Variants in RRBP1 observed in about 807,000 individuals in gnomAD.
RRBP1 encodes ribosome-binding protein 1.
In RRBP1, 94 loss-of-function variants were observed where a neutral mutation model predicts 165.2. The observed-to-expected ratio is 0.57, with a 90% CI of 0.48 to 0.68. RRBP1 has a LOEUF of 0.68. RRBP1 is among the 30% of genes least tolerant of loss of function. RRBP1 has a pLI of 0.00. For missense variants in RRBP1, 1,676 were observed against 1,763.0 expected (o/e 0.95, Z 0.88); for synonymous variants, 680 against 714.5 (o/e 0.95, Z 0.77).
At chr20:17,661,004 T>C (rs1368818195) in intron 2 of RRBP1, among the ~76,000 whole-genome samples, 1 of 151,716 alleles carries the variant, frequency 6.6e-6, no homozygotes. Flanking sequence ...AGTTGGAAGA[T>C]GTTTTGATTT....
At chr20:17,615,900 C>A (rs2035790542) in intron 22 of RRBP1, 26 bp downstream of exon 22, 2 of 1,597,908 alleles carry the variant, frequency 1.3e-6, no homozygotes, top group African/African-American at 1.3e-5. Context: ...CTGATGGGGG[C>A]TGAGAGCCAC....
In RRBP1 at chr20:17,613,975, T is replaced by C. The variant is rs2035741196; in HGVS notation, c.*207A>G. 1 of 595,800 alleles carries C rather than the reference T, an allele frequency of 1.7e-6. No homozygotes were observed. Among genetic ancestry groups the C allele is most frequent in the African/African-American group, 1.9e-5 (1 of 54,018 alleles). 36.9% of individuals were successfully genotyped at this position (595,800 alleles called of 1,614,324 possible). Reference sequence around the variant, plus strand: ...CCGGGGCTGCGCCCAGGATAGTGTTTATCAAATGTGACACAGGTTCATTTA... The same window carrying C: ...CCGGGGCTGCGCCCAGGATAGTGTTCATCAAATGTGACACAGGTTCATTTA... On this transcript the variant is annotated 3_prime_UTR_variant, in exon 25 of 25. Transcript: ENST00000377813.
In RRBP1 at chr20:17,655,805, C is replaced by T. The variant is rs149930122; in HGVS notation, c.1912+2791G>A. 1.7e-3 allele frequency among the ~76,000 whole-genome samples: 261 copies of T among 152,304 alleles called. 1 individual carries two copies. The highest frequency in any genetic ancestry group is 5.8e-3 in the African/African-American group (241 of 41,552). On this transcript the variant is annotated intron_variant, in intron 3 of 24. Coordinates refer to ENST00000377813, the MANE Select transcript of RRBP1 (RefSeq NM_001365613.2). ...AATATACATTATATATTTATATTAA[C>T]GGTTTTTAAATAAAGCTTATTTGCT... is the stretch of plus-strand genomic sequence containing the variant.
Position 17,659,844 on chromosome 20 carries a change from C to A in RRBP1, c.664G>T (p.Ala222Ser). The change falls in exon 3 of 25, where the codon GCA becomes TCA. Residue 222 changes from alanine to serine, a missense_variant. By Grantham distance (99) the Ala-to-Ser change is moderately conservative. Transcript: ENST00000377813. ...AEGAPNQGRK[A>S]EGTPNQGKKT... ...TTGCCCTGGTTTGGGGTTCCCTCTGCCTTTCTGCCCTGGTTTGGGGCTCCT... is the reference window on the plus strand; with the variant it reads ...TTGCCCTGGTTTGGGGTTCCCTCTGACTTTCTGCCCTGGTTTGGGGCTCCT... 2 of 1,551,584 alleles carry A rather than the reference C, an allele frequency of 1.3e-6. No individual in the cohort carries two copies. Among genetic ancestry groups the A allele is most frequent in the Non-Finnish European group, 1.7e-6 (2 of 1,146,992 alleles).
chr20:17,666,605 C>T (rs1465339625), intron 2 of RRBP1, among the ~76,000 whole-genome samples: 3 of 152,128 alleles, frequency 2.0e-5, no homozygotes, highest in Admixed American at 1.3e-4. Flanking sequence ...GAAAAAAAGA[C>T]AGTATTGTTT....
chr20:17,665,084 G>A, intron 2 of RRBP1, among the ~76,000 whole-genome samples: 1 of 151,760 alleles, frequency 6.6e-6, no homozygotes, highest in African/African-American at 2.4e-5. Flanking sequence ...ATATATATAT[G>A]TATGTGCCTG....
rs1223883972 is a variant in RRBP1 at position 17,643,626 on chromosome 20, C to T, written c.1913-499G>A. Among the ~76,000 whole-genome samples, 1 of 152,164 alleles carries T rather than the reference C, an allele frequency of 6.6e-6. No homozygotes were observed. Among genetic ancestry groups the T allele is most frequent in the Non-Finnish European group, 1.5e-5 (1 of 68,034 alleles). ...ACAGACACCCAGAGCCACACTCCTG[C>T]AGCCACAGGAGGAGCACAGAAGGCA... On this transcript the variant is annotated intron_variant, in intron 3 of 24. Transcript: ENST00000377813. This position sits in a 1 kb window ranked among gnomAD's most constrained non-coding sequence, Gnocchi z 4.3.
chr20:17,645,288 CGA>C (rs1428960644), intron 3 of RRBP1, among the ~76,000 whole-genome samples: 1 of 152,234 alleles, frequency 6.6e-6, no homozygotes, highest in Non-Finnish European at 1.5e-5. Flanking sequence ...AGAGTGCTCC[CGA>C]GAGTGTTCTC....
chr20:17,647,706 A>G (rs1183586231), intron 3 of RRBP1, among the ~76,000 whole-genome samples: 2 of 152,142 alleles, frequency 1.3e-5, no homozygotes, highest in Non-Finnish European at 2.9e-5. Flanking sequence ...AACAGCATGG[A>G]CTTGAGGGCT....
At chr20:17,633,846 G>A (rs1044934476) in intron 7 of RRBP1, among the ~76,000 whole-genome samples, 1 of 152,240 alleles carries the variant, frequency 6.6e-6, no homozygotes, top group African/African-American at 2.4e-5. Flanking sequence ...GAGCAAATGT[G>A]CACTAAAGCA....
At chr20:17,654,677 G>A (rs998211453) in intron 3 of RRBP1, among the ~76,000 whole-genome samples, 1 of 152,116 alleles carries the variant, frequency 6.6e-6, no homozygotes, top group African/African-American at 2.4e-5. Flanking sequence ...AGTCCACACT[G>A]CCCTATCAAC....
At position 17,651,672 on chromosome 20, in the gene RRBP1, G is replaced by A. The variant is rs527370580; in HGVS notation, c.1912+6924C>T. 2.1e-4 allele frequency among the ~76,000 whole-genome samples: 32 copies of A among 152,272 alleles called. 1 individual carries two copies. In the South Asian group the frequency reaches 6.0e-3, roughly 29 times the overall value. On this transcript the variant is annotated intron_variant, in intron 3 of 24. Transcript: ENST00000377813. ...CCCCGCCCCTCCACCCCCGGGAAGC[G>A]GATGGTGATTGGGATGGAGCAAAAA...
chr20:17,647,488 G>A (rs772171987), intron 3 of RRBP1, among the ~76,000 whole-genome samples: 7 of 152,202 alleles, frequency 4.6e-5, no homozygotes, highest in Non-Finnish European at 1.0e-4. Flanking sequence ...AGGAAGGAGC[G>A]TTTGAATTTG....
Position 17,643,988 on chromosome 20 carries a change from C to A in RRBP1, c.1913-861G>T, listed in dbSNP as rs1183489263. ...ACTCTTCCACAGCTGAATGACAGCA[C>A]TAAAAATGAGCCAAATCAGAGAGCA... On this transcript the variant is annotated intron_variant, in intron 3 of 24. Coordinates refer to ENST00000377813, the MANE Select transcript of RRBP1 (RefSeq NM_001365613.2). This position sits in a 1 kb window ranked among gnomAD's most constrained non-coding sequence, Gnocchi z 4.3. Among the ~76,000 whole-genome samples, 1 of 151,402 alleles carries A rather than the reference C, an allele frequency of 6.6e-6. No homozygotes were observed. The highest frequency in any genetic ancestry group is 2.4e-5 in the African/African-American group (1 of 41,376).
At chr20:17,622,595 C>T (rs983505657) in intron 13 of RRBP1, among the ~76,000 whole-genome samples, 2 of 151,934 alleles carry the variant, frequency 1.3e-5, no homozygotes, top group South Asian at 2.1e-4. Flanking sequence ...CATGCTGGGT[C>T]GGACACCCCC....
At chr20:17,618,855 CT>C (rs1568752068) in intron 19 of RRBP1, 176 bp from the exon 20 acceptor site, 1 of 607,340 alleles carries the variant, frequency 1.6e-6, no homozygotes, top group Non-Finnish European at 3.0e-6. Flanking sequence ...GCTACGATTT[CT>C]TTTTTGAGGA....
intron 17 of RRBP1, 131 bp downstream of exon 17, chr20:17,620,584 G>T: frequency 1.2e-6 from 1 of 810,286 alleles, no homozygotes; most frequent in Non-Finnish European, 2.1e-6. Context: ...CCGCAACTGT[G>T]CTTCATAGGG....
intron 3 of RRBP1, among the ~76,000 whole-genome samples, chr20:17,656,484 A>C (rs896962761): frequency 2.0e-5 from 3 of 152,234 alleles, no homozygotes; most frequent in East Asian, 1.9e-4. Flanking sequence ...GGGTCTAAGA[A>C]GACTTTTCCA....
intron 3 of RRBP1, among the ~76,000 whole-genome samples, chr20:17,648,772 T>TA (rs1001084946): frequency 8.6e-5 from 13 of 152,038 alleles, no homozygotes; most frequent in Admixed American, 2.6e-4. Flanking sequence ...TACCTGGAGT[T>TA]AAAAAAAACC....
Sources: gnomAD v4.1 joint callset for allele counts (sites outside exome capture counted in the v4.1 genomes callset) on GRCh38, gnomAD v4.1.1 for gene constraint, Gnocchi (gnomAD v3.1) non-coding constraint, MANE v1.5 for transcripts, NCBI Gene and HGNC (gene_info 2026-07-23, HGNC 2026-07-21) for gene names.